The following GAREM1 variants were observed in gnomAD, a reference collection of about 807,000 sequenced individuals.
GAREM1 encodes the protein GRB2 associated regulator of MAPK1 subtype 1, also known as GRB2-associated and regulator of MAPK protein 1.
GAREM1 carries 26 observed loss-of-function variants against 71.3 expected under a neutral mutation model. That is an observed-to-expected ratio of 0.36 (90% CI 0.27 to 0.51). The LOEUF is 0.51. Among genes scored for constraint, GAREM1 ranks in the 20% least tolerant of loss-of-function variants. The pLI is 0.95. For missense variants in GAREM1, 1,026 were observed against 1,103.1 expected (o/e 0.93, Z 0.99); for synonymous variants, 440 against 433.2 (o/e 1.02, Z -0.20).
intron 1 of GAREM1, among the ~76,000 whole-genome samples, chr18:32,465,116 T>C (rs910000470): frequency 6.6e-6 from 1 of 152,184 alleles, no homozygotes; most frequent in Admixed American, 6.5e-5. Flanking sequence ...AATCCAGTAT[T>C]CTTTAAATTA....
At chr18:32,344,789 C>T (rs1194017313) in intron 2 of GAREM1, among the ~76,000 whole-genome samples, 4 of 152,140 alleles carry the variant, frequency 2.6e-5, no homozygotes, top group South Asian at 2.1e-4. Flanking sequence ...AGGCCGGGCA[C>T]GGTGGCTCAC....
chr18:32,411,900 C>T (rs1033943759), intron 1 of GAREM1, among the ~76,000 whole-genome samples: 3 of 151,592 alleles, frequency 2.0e-5, no homozygotes, highest in South Asian at 2.1e-4. Flanking sequence ...ATTTATTCAG[C>T]GTCACGATCA....
intron 2 of GAREM1, among the ~76,000 whole-genome samples, chr18:32,367,870 G>C (rs2144621801): frequency 6.6e-6 from 1 of 152,294 alleles, no homozygotes; most frequent in South Asian, 2.1e-4. Flanking sequence ...TTTGAGTCTG[G>C]AGCTTGAGGG....
chr18:32,470,664 C>G lies in GAREM1; in HGVS notation c.-236G>C, dbSNP rs1035388149. Among the ~76,000 whole-genome samples the G allele has an allele frequency of 2.0e-5, 3 of 149,428 alleles. No homozygotes were observed. In the East Asian group the frequency reaches 6.0e-4, roughly 30 times the overall value. Reference sequence around the variant, plus strand: ...GGGGCGCCCCGCGTGCCCTCACGCCCGGAGAAGACTCAGAGCAGCCGCGCG... The same window carrying G: ...GGGGCGCCCCGCGTGCCCTCACGCCGGGAGAAGACTCAGAGCAGCCGCGCG... On this transcript the variant is annotated 5_prime_UTR_variant, in exon 1 of 6. Coordinates refer to ENST00000269209, the MANE Select transcript of GAREM1 (RefSeq NM_001242409.2). This position sits in a 1 kb window ranked among gnomAD's most constrained non-coding sequence, Gnocchi z 4.4.
intron 2 of GAREM1, among the ~76,000 whole-genome samples, chr18:32,317,393 C>CA (rs35166372): frequency 0.25 from 17,754 of 72,420 alleles, 1,471 homozygotes; most frequent in Middle Eastern, 0.28. Context: ...CGCTCTGTCA[C>CA]AAAAAAAAAA....
At chr18:32,378,556 G>T (rs753403154) in intron 2 of GAREM1, among the ~76,000 whole-genome samples, 3 of 151,938 alleles carry the variant, frequency 2.0e-5, no homozygotes, top group Non-Finnish European at 4.4e-5. Flanking sequence ...TTACACCTTG[G>T]GAAAACATAG....
chr18:32,362,206 C>G (rs147078961), intron 2 of GAREM1, among the ~76,000 whole-genome samples: 10 of 152,294 alleles, frequency 6.6e-5, no homozygotes, highest in African/African-American at 2.2e-4. Context: ...GTTCACTCAT[C>G]TTTCTCATCA....
chr18:32,294,375 A>G (rs563181297), intron 3 of GAREM1, among the ~76,000 whole-genome samples: 18 of 152,350 alleles, frequency 1.2e-4, no homozygotes, highest in African/African-American at 4.3e-4. Context: ...ATCTGGCTAA[A>G]GTGATAGGGT....
chr18:32,375,008 A>C lies in GAREM1; in HGVS notation c.262+17887T>G, dbSNP rs536739755. ...AGACATCTACTTTCTCCTAAAGAAG[A>C]AGCTAAATATGAAGGTTCAGGAAAT... On this transcript the variant is annotated intron_variant, in intron 2 of 5. Transcript: ENST00000269209. Among the ~76,000 whole-genome samples, 8 of 152,326 alleles carry C rather than the reference A, an allele frequency of 5.3e-5. No individual in the cohort carries two copies. The East Asian group carries it at 5.8e-4, about 11-fold the overall frequency.
rs2041414887 is a variant in GAREM1 at position 32,268,803 on chromosome 18, A to G, written c.1734-35T>C. On this transcript the variant is annotated intron_variant, in intron 5 of 5. Transcript: ENST00000269209. ...AAACACAGAAGGAGAAATCAGTTAA[A>G]AGAAAAAAGCCAAATCCCAAGGCTT... The G allele has an allele frequency of 7.0e-6, 11 of 1,574,998 alleles. 1 individual carries two copies. In the Middle Eastern group the frequency reaches 8.2e-4, roughly 118 times the overall value.
At chr18:32,468,123 C>T (rs1257214067) in intron 1 of GAREM1, among the ~76,000 whole-genome samples, 2 of 152,168 alleles carry the variant, frequency 1.3e-5, no homozygotes, top group Non-Finnish European at 2.9e-5. Context: ...AGCAATTTGA[C>T]AATGTGTATC....
chr18:32,447,752 C>A (rs2048798258), intron 1 of GAREM1, among the ~76,000 whole-genome samples: 1 of 152,100 alleles, frequency 6.6e-6, no homozygotes, highest in Non-Finnish European at 1.5e-5. Context: ...CCTTATACTT[C>A]CCCATCCGCT....
intron 1 of GAREM1, among the ~76,000 whole-genome samples, chr18:32,417,125 A>C (rs1272143007): frequency 6.6e-6 from 1 of 152,232 alleles, no homozygotes; most frequent in Non-Finnish European, 1.5e-5. Flanking sequence ...AAAAGTGCTC[A>C]ACATCACTGA....
intron 2 of GAREM1, among the ~76,000 whole-genome samples, chr18:32,321,413 G>A (rs145114686): frequency 1.2e-4 from 18 of 152,014 alleles, no homozygotes; most frequent in East Asian, 5.8e-4. Flanking sequence ...CTCTCATTCC[G>A]CTTCTTTCCT....
chr18:32,301,682 C>G (rs2047203640), intron 3 of GAREM1, among the ~76,000 whole-genome samples: 1 of 152,174 alleles, frequency 6.6e-6, no homozygotes, highest in African/African-American at 2.4e-5. Context: ...GATTGAGAAC[C>G]TGAGTGGGCA....
intron 4 of GAREM1, among the ~76,000 whole-genome samples, chr18:32,275,921 C>T (rs968335956): frequency 6.6e-6 from 1 of 152,170 alleles, no homozygotes; most frequent in Non-Finnish European, 1.5e-5. Flanking sequence ...GTGATTCGCC[C>T]GCCTCGGCCT....
chr18:32,441,077 T>C (rs1438167182), intron 1 of GAREM1, among the ~76,000 whole-genome samples: 1 of 152,146 alleles, frequency 6.6e-6, no homozygotes, highest in Non-Finnish European at 1.5e-5. Flanking sequence ...ATACAGAAGT[T>C]AGTATCATAA....
chr18:32,360,206 A>G (rs896828465), intron 2 of GAREM1, among the ~76,000 whole-genome samples: 1 of 151,602 alleles, frequency 6.6e-6, no homozygotes, highest in Non-Finnish European at 1.5e-5. Flanking sequence ...CTGCTTCTTA[A>G]AGAAAAAAAA....
intron 2 of GAREM1, among the ~76,000 whole-genome samples, chr18:32,349,247 A>AT (rs747441477): frequency 2.5e-4 from 38 of 152,212 alleles, no homozygotes; most frequent in Admixed American, 1.3e-4. Context: ...TGAACTCTTC[A>AT]TGGCCCTCTG....
Sources: allele counts gnomAD v4.1 joint callset (sites outside exome capture counted in the v4.1 genomes callset), GRCh38; gene constraint gnomAD v4.1.1; non-coding constraint Gnocchi (gnomAD v3.1); transcripts MANE v1.5; gene names NCBI Gene and HGNC (gene_info 2026-07-23, HGNC 2026-07-21).